SLIT3: variants seen among roughly 807,000 people sequenced by gnomAD.
SLIT3 encodes the protein slit homolog 3 protein.
Under a neutral mutation model 184.0 loss-of-function variants are expected in SLIT3, and 68 were observed. The ratio of observed to expected loss-of-function variants is 0.37; its 90% CI spans 0.30 to 0.45. SLIT3 has a LOEUF of 0.45. Among genes scored for constraint, SLIT3 ranks in the 20% least tolerant of loss-of-function variants. The pLI, the probability that SLIT3 is intolerant of heterozygous loss-of-function variation, is 1.00. For synonymous variants in SLIT3, 831 were observed against 828.6 expected, an observed-to-expected ratio of 1.00 and a Z score of -0.05; for missense variants, 1,707 against 2,026.0, an observed-to-expected ratio of 0.84 and a Z score of 3.02.
intron 4 of SLIT3, chr5:169,012,694 A>G (rs1386357615): frequency 3.9e-5 from 6 of 152,212 alleles, no homozygotes; most frequent in Non-Finnish European, 7.3e-5. Context: ...AAAGTTGCCC[A>G]TATCAGATAT....
intron 4 of SLIT3, among the ~76,000 whole-genome samples, chr5:169,152,885 C>A (rs2113373021): frequency 6.6e-6 from 1 of 152,324 alleles, no homozygotes; most frequent in South Asian, 2.1e-4. Context: ...CCCACCTGGA[C>A]CCAAGGAAGC....
rs148172480 is a variant in SLIT3 at position 168,856,090 on chromosome 5, C to A, written c.486-11435G>T. The stretch of plus-strand genomic sequence containing the variant: ...TGCCACTGCACTCCAGCCTGGGTGA[C>A]AGAGTGAGACTCCATCTTACAAAAG... On this transcript the variant is annotated intron_variant, in intron 5 of 35. Transcript: ENST00000519560. 1.9e-3 allele frequency among the ~76,000 whole-genome samples: 296 copies of A among 152,228 alleles called. 1 individual carries two copies. The highest frequency in any genetic ancestry group is 6.3e-3 in the African/African-American group (262 of 41,528).
intron 4 of SLIT3, among the ~76,000 whole-genome samples, chr5:169,071,304 C>A (rs1273564195): frequency 6.6e-6 from 1 of 152,172 alleles, no homozygotes; most frequent in Non-Finnish European, 1.5e-5. Flanking sequence ...TTTTCTTCTT[C>A]TTTATAAACA....
At chr5:168,726,099 C>G (rs1763099640) in intron 20 of SLIT3, among the ~76,000 whole-genome samples, 1 of 151,904 alleles carries the variant, frequency 6.6e-6, no homozygotes, top group Non-Finnish European at 1.5e-5. Context: ...ATGCTAGATC[C>G]TGGGAGAAAT....
In SLIT3 at chr5:169,087,020, C is replaced by T. The variant is rs1759327529; in HGVS notation, c.413+106459G>A. ...GTGCCGTCCAAAAACTAGAGTCTAT[C>T]TTGCAACTACTTACTAGCCAGCAAT... On this transcript the variant is annotated intron_variant, in intron 4 of 35. Transcript: ENST00000519560. Among the ~76,000 whole-genome samples the T allele has an allele frequency of 5.3e-5, 8 of 152,210 alleles. No individual in the cohort carries two copies. The South Asian group carries it at 1.5e-3, about 28-fold the overall frequency.
At chr5:168,997,251 G>A (rs1426228021) in intron 4 of SLIT3, among the ~76,000 whole-genome samples, 1 of 152,116 alleles carries the variant, frequency 6.6e-6, no homozygotes, top group African/African-American at 2.4e-5. Context: ...GGCTCCCTGG[G>A]GATTTGGAGG....
At position 168,932,800 on chromosome 5, in the gene SLIT3, A is replaced by G. The variant is rs147955104; in HGVS notation, c.414-49464T>C. Among the ~76,000 whole-genome samples the G allele has an allele frequency of 2.6e-3, 399 of 152,376 alleles. 3 individuals are homozygous for G. The highest frequency in any genetic ancestry group is 4.3e-3 in the Non-Finnish European group (290 of 68,042). On this transcript the variant is annotated intron_variant, in intron 4 of 35. Transcript: ENST00000519560. ...AGCACACATCTAAACCACACTGTGC[A>G]TGTAAAGACTAGCAGCCTAGGCTAC...
chr5:169,241,842 G>A (rs1581093930), intron 3 of SLIT3, among the ~76,000 whole-genome samples: 2 of 152,126 alleles, frequency 1.3e-5, no homozygotes, highest in Admixed American at 6.5e-5. Flanking sequence ...TTTCATGGGG[G>A]AATAGAGAAT....
At chr5:168,846,943 AAG>A (rs558480118) in intron 5 of SLIT3, among the ~76,000 whole-genome samples, 47 of 152,326 alleles carry the variant, frequency 3.1e-4, no homozygotes, top group African/African-American at 1.0e-3. Context: ...AGAATAAAAA[AAG>A]TATGTGGTGA....
At chr5:169,074,836 G>T (rs1043896351) in intron 4 of SLIT3, among the ~76,000 whole-genome samples, 3 of 152,160 alleles carry the variant, frequency 2.0e-5, no homozygotes, top group Admixed American at 2.0e-4. Context: ...CCTGAGGGTG[G>T]GACAAGGCCC....
At chr5:169,039,051 CTTTT>C (rs146153080) in intron 4 of SLIT3, among the ~76,000 whole-genome samples, 4 of 151,192 alleles carry the variant, frequency 2.6e-5, no homozygotes, top group South Asian at 2.1e-4. Context: ...CCTCAGTCAT[CTTTT>C]TTTTTGATTA....
At chr5:169,175,162 G>A (rs1762939941) in intron 4 of SLIT3, among the ~76,000 whole-genome samples, 1 of 152,194 alleles carries the variant, frequency 6.6e-6, no homozygotes, top group African/African-American at 2.4e-5. Flanking sequence ...AAATGAAGAA[G>A]GGCCAGATGA....
chr5:168,884,425 T>TCACACACACA (rs768704242), intron 4 of SLIT3, among the ~76,000 whole-genome samples: 2 of 141,484 alleles, frequency 1.4e-5, no homozygotes, highest in African/African-American at 5.3e-5. Flanking sequence ...TCTCTCTCTC[T>TCACACACACA]CTCACACACA....
At position 168,733,101 on chromosome 5, in the gene SLIT3, G is replaced by GA. The variant is rs148624514; in HGVS notation, c.2271-8618dup. ...CCAGAAACTATAAGGAACTTGACAA[G>GA]AAAAAAAAAACCATTAAAAAGCGGG... On this transcript the variant is annotated intron_variant, in intron 20 of 35. Coordinates refer to ENST00000519560, the MANE Select transcript of SLIT3 (RefSeq NM_003062.4). 5.4e-3 allele frequency among the ~76,000 whole-genome samples: 792 copies of GA among 146,630 alleles called. 8 individuals carry two copies. Among genetic ancestry groups the GA allele is most frequent in the African/African-American group, 0.017 (678 of 39,824 alleles).
intron 4 of SLIT3, among the ~76,000 whole-genome samples, chr5:168,896,184 G>C (rs916320952): frequency 1.3e-5 from 2 of 152,320 alleles, no homozygotes; most frequent in South Asian, 2.1e-4. Flanking sequence ...CCAGGAGGCA[G>C]TGAGGTACCG....
intron 4 of SLIT3, among the ~76,000 whole-genome samples, chr5:169,055,577 C>T (rs1446236204): frequency 6.6e-6 from 1 of 152,314 alleles, no homozygotes; most frequent in South Asian, 2.1e-4. Flanking sequence ...CGCAGTGGCT[C>T]ACGCCTGTAA....
At chr5:168,793,803 G>T (rs568650822) in intron 10 of SLIT3, among the ~76,000 whole-genome samples, 66 of 134,404 alleles carry the variant, frequency 4.9e-4, no homozygotes, top group African/African-American at 1.7e-3. Flanking sequence ...AATGAATTGG[G>T]GGGGGGGATG....
Position 169,008,069 on chromosome 5 carries a change from T to A in SLIT3, c.414-124733A>T, listed in dbSNP as rs577090118. Among the ~76,000 whole-genome samples, 5 of 152,278 alleles carry A rather than the reference T, an allele frequency of 3.3e-5. No homozygotes were observed. In the South Asian group the frequency reaches 6.2e-4, roughly 19 times the overall value. ...TGTTCTGCCATGATGTAAGATAGAC[T>A]CCCAGCTCTATGTGGCTCTTGGTGA... On this transcript the variant is annotated intron_variant, in intron 4 of 35. Coordinates refer to ENST00000519560, the MANE Select transcript of SLIT3 (RefSeq NM_003062.4).
intron 2 of SLIT3, 28 bp from the exon 3 acceptor site, chr5:169,244,804 A>T: frequency 6.2e-7 from 1 of 1,605,732 alleles, no homozygotes; most frequent in South Asian, 1.1e-5. Flanking sequence ...GCAATGACTA[A>T]GGACAAAGCT....
Sources: gnomAD v4.1 joint callset for allele counts (sites outside exome capture counted in the v4.1 genomes callset) on GRCh38, gnomAD v4.1.1 for gene constraint, MANE v1.5 for transcripts, NCBI Gene and HGNC (gene_info 2026-07-23, HGNC 2026-07-21) for gene names.